Variants in ELOVL6 observed in about 807,000 individuals in gnomAD.
ELOVL6 encodes the protein ELOVL fatty acid elongase 6, also known as very long chain fatty acid elongase 6.
A neutral mutation model predicts 31.7 loss-of-function variants in ELOVL6; 8 were observed. The ratio of observed to expected loss-of-function variants is 0.25; its 90% CI spans 0.15 to 0.45. ELOVL6 has a LOEUF of 0.45. Among genes scored for constraint, ELOVL6 ranks in the 20% least tolerant of loss-of-function variants. The pLI is 1.00. For missense variants in ELOVL6, 126 were observed against 326.4 expected, an observed-to-expected ratio of 0.39 and a Z score of 4.73; for synonymous variants, 101 against 117.7, an observed-to-expected ratio of 0.86 and a Z score of 0.92.
chr4:110,068,980 A>AAACAC, intron 2 of ELOVL6, among the ~76,000 whole-genome samples: 1 of 152,156 alleles, frequency 6.6e-6, no homozygotes, highest in Non-Finnish European at 1.5e-5. Flanking sequence ...TGTCTCTACT[A>AAACAC]AAAACACAAA....
chr4:110,190,796 T>C (rs938459068), intron 1 of ELOVL6, among the ~76,000 whole-genome samples: 10 of 150,814 alleles, frequency 6.6e-5, no homozygotes, highest in Non-Finnish European at 1.0e-4. Flanking sequence ...TAAGCCACCA[T>C]GCCCGGCCAC....
intron 2 of ELOVL6, among the ~76,000 whole-genome samples, chr4:110,069,633 G>C (rs1215586132): frequency 6.6e-6 from 1 of 152,180 alleles, no homozygotes; most frequent in Non-Finnish European, 1.5e-5. Context: ...AGAGGGCAGA[G>C]GACTGGCCCA....
intron 1 of ELOVL6, among the ~76,000 whole-genome samples, chr4:110,162,901 G>A (rs534963306): frequency 3.3e-5 from 5 of 152,292 alleles, no homozygotes; most frequent in African/African-American, 1.2e-4. Flanking sequence ...AGAAAACTGA[G>A]TCTTCAGGAG....
intron 1 of ELOVL6, among the ~76,000 whole-genome samples, chr4:110,162,317 T>C (rs926784767): frequency 6.6e-6 from 1 of 152,146 alleles, no homozygotes; most frequent in African/African-American, 2.4e-5. Context: ...CTGAACCATT[T>C]TGCTGAATAT....
intron 2 of ELOVL6, among the ~76,000 whole-genome samples, chr4:110,079,449 C>T (rs1755762843): frequency 6.6e-6 from 1 of 151,992 alleles, no homozygotes; most frequent in Admixed American, 6.6e-5. Context: ...CTCAAAACCG[C>T]TCAACTACAT....
At chr4:110,140,632 T>C (rs923413996) in intron 1 of ELOVL6, among the ~76,000 whole-genome samples, 3 of 152,016 alleles carry the variant, frequency 2.0e-5, no homozygotes, top group Non-Finnish European at 2.9e-5. Flanking sequence ...TAATACTTTT[T>C]ATGAATTCTT....
chr4:110,106,952 G>A (rs547867256), intron 1 of ELOVL6, among the ~76,000 whole-genome samples: 1 of 152,282 alleles, frequency 6.6e-6, no homozygotes, highest in East Asian at 1.9e-4. Flanking sequence ...TAAAACAGTT[G>A]AGCATGTTTC....
At chr4:110,179,195 G>A (rs1052609576) in intron 1 of ELOVL6, among the ~76,000 whole-genome samples, 1 of 152,094 alleles carries the variant, frequency 6.6e-6, no homozygotes, top group Admixed American at 6.6e-5. Flanking sequence ...ATACATGTAT[G>A]TAAACTTCAG....
At chr4:110,151,639 G>C (rs1211739341) in intron 1 of ELOVL6, among the ~76,000 whole-genome samples, 1 of 152,162 alleles carries the variant, frequency 6.6e-6, no homozygotes, top group African/African-American at 2.4e-5. Flanking sequence ...TAATGATGTT[G>C]AGATTTGACA....
intron 1 of ELOVL6, among the ~76,000 whole-genome samples, chr4:110,115,873 C>T (rs1757155746): frequency 6.6e-6 from 1 of 152,192 alleles, no homozygotes; most frequent in African/African-American, 2.4e-5. Context: ...GGCTCTATGG[C>T]AGAATCCATT....
chr4:110,131,180 C>G lies in ELOVL6; in HGVS notation c.90-25552G>C, dbSNP rs1272724204. ...ATCCCTGTTGCTTCACAGTATGATT[C>G]TAATTTACACTGACAGAAACTGAGT... On this transcript the variant is annotated intron_variant, in intron 1 of 3. Coordinates refer to ENST00000302274, the MANE Select transcript of ELOVL6 (RefSeq NM_024090.3). Among the ~76,000 whole-genome samples, 4 of 152,184 alleles carry G rather than the reference C, an allele frequency of 2.6e-5. 1 individual carries two copies. The highest frequency in any genetic ancestry group is 2.1e-4 in the South Asian group (1 of 4,830).
At chr4:110,158,657 A>ATATATATTTTTTT in intron 1 of ELOVL6, among the ~76,000 whole-genome samples, 35 of 74,156 alleles carry the variant, frequency 4.7e-4, no homozygotes, top group African/African-American at 2.2e-3. Flanking sequence ...ATATATATAT[A>ATATATATTTTTTT]TTTTTTTTTT....
At chr4:110,151,429 T>G (rs1758277507) in intron 1 of ELOVL6, among the ~76,000 whole-genome samples, 1 of 152,212 alleles carries the variant, frequency 6.6e-6, no homozygotes, top group Non-Finnish European at 1.5e-5. Context: ...ATTTTCCACT[T>G]TTGGTGTCAT....
At chr4:110,085,451 A>G (rs553857877) in intron 2 of ELOVL6, among the ~76,000 whole-genome samples, 1 of 152,344 alleles carries the variant, frequency 6.6e-6, no homozygotes, top group East Asian at 1.9e-4. Flanking sequence ...ATGCATGAGT[A>G]AAGAGTAAGT....
chr4:110,084,272 T>C (rs1436937615), intron 2 of ELOVL6, among the ~76,000 whole-genome samples: 1 of 134,168 alleles, frequency 7.5e-6, no homozygotes, highest in African/African-American at 2.8e-5. Context: ...TTATATGTGA[T>C]ATATAACATA....
chr4:110,186,921 A>C (rs1383603115), intron 1 of ELOVL6, among the ~76,000 whole-genome samples: 1 of 147,552 alleles, frequency 6.8e-6, no homozygotes, highest in Admixed American at 6.8e-5. Context: ...TCAAAAAAAA[A>C]AACTATCAAT....
intron 1 of ELOVL6, among the ~76,000 whole-genome samples, chr4:110,115,248 A>G (rs1250442728): frequency 6.6e-6 from 1 of 152,236 alleles, no homozygotes; most frequent in Non-Finnish European, 1.5e-5. Context: ...AGCAGTGACG[A>G]TGATCTCATG....
Position 110,150,978 on chromosome 4 carries a change from G to A in ELOVL6, c.90-45350C>T, listed in dbSNP as rs999696573. On this transcript the variant is annotated intron_variant, in intron 1 of 3. Transcript: ENST00000302274. ...AAACTGCTTGAACCTGGGAGGCGGA[G>A]GTTGCAGTGAGCCAAGATCGTGCCA... is the stretch of plus-strand genomic sequence containing the variant. Among the ~76,000 whole-genome samples the A allele has an allele frequency of 2.0e-5, 3 of 151,930 alleles. No individual in the cohort carries two copies. In the East Asian group the frequency reaches 5.8e-4, roughly 29 times the overall value.
intron 1 of ELOVL6, among the ~76,000 whole-genome samples, chr4:110,135,697 A>G (rs1270756051): frequency 1.3e-5 from 2 of 152,190 alleles, no homozygotes; most frequent in African/African-American, 4.8e-5. Flanking sequence ...GTAGTAACTG[A>G]CCACAATTAA....
Sources: gnomAD v4.1 joint callset for allele counts (sites outside exome capture counted in the v4.1 genomes callset) on GRCh38, gnomAD v4.1.1 for gene constraint, MANE v1.5 for transcripts, NCBI Gene and HGNC (gene_info 2026-07-23, HGNC 2026-07-21) for gene names.